GFRA2: variants seen among roughly 807,000 people sequenced by gnomAD.
GFRA2 encodes GDNF family receptor alpha-2.
A neutral mutation model predicts 48.3 loss-of-function variants in GFRA2; 17 were observed. That is an observed-to-expected ratio of 0.35 (90% CI 0.24 to 0.53). The LOEUF (loss-of-function observed/expected upper bound fraction) is 0.53. Ranked by LOEUF, GFRA2 falls within the 20% of genes least tolerant of loss-of-function variation. GFRA2 has a pLI of 0.93. For synonymous variants in GFRA2, 305 were observed against 257.2 expected (o/e 1.19, Z -1.78); for missense variants, 660 against 637.3 (o/e 1.04, Z -0.38).
At chr8:21,707,027 G>A (rs1802783374) in intron 4 of GFRA2, among the ~76,000 whole-genome samples, 1 of 152,208 alleles carries the variant, frequency 6.6e-6, no homozygotes, top group African/African-American at 2.4e-5. Flanking sequence ...TTCTACAGGT[G>A]AGTGTCCTTT....
chr8:21,753,683 T>C (rs1307455294), intron 3 of GFRA2, among the ~76,000 whole-genome samples: 1 of 152,232 alleles, frequency 6.6e-6, no homozygotes, highest in Non-Finnish European at 1.5e-5. Flanking sequence ...ATTTTTACTT[T>C]GATTACACAT....
chr8:21,709,921 G>C (rs898701535), intron 4 of GFRA2, among the ~76,000 whole-genome samples: 2 of 152,186 alleles, frequency 1.3e-5, no homozygotes, highest in Non-Finnish European at 2.9e-5. Context: ...TTTGCCCTTT[G>C]GGAAATCCCA....
At chr8:21,759,038 A>C (rs1030112433) in intron 3 of GFRA2, among the ~76,000 whole-genome samples, 2 of 152,198 alleles carry the variant, frequency 1.3e-5, no homozygotes, top group Non-Finnish European at 2.9e-5. Context: ...GAAAGAAAGA[A>C]TCTTCCCTCT....
At chr8:21,808,713 C>T (rs1807922074) in intron 1 of GFRA2, among the ~76,000 whole-genome samples, 1 of 152,254 alleles carries the variant, frequency 6.6e-6, no homozygotes, top group Non-Finnish European at 1.5e-5. Context: ...ACCCAAATCC[C>T]CTCCAGCAAA....
In GFRA2 at chr8:21,750,801, C is replaced by T. The variant is rs750997748; in HGVS notation, c.581G>A (p.Arg194His). The change falls in exon 4 of 9, where the codon CGC becomes CAC. Residue 194 changes from arginine (R) to histidine (H), a missense_variant. Arg to His is a conservative substitution (Grantham distance 29). Coordinates refer to ENST00000524240, the MANE Select transcript of GFRA2 (RefSeq NM_001495.5). This position sits in a 1 kb window ranked among gnomAD's most constrained non-coding sequence, Gnocchi z 5.7. ...ICNREISPTE[R>H]CNRRKCHKAL... ...CTTGTGGCACTTGCGGCGGTTGCAG[C>T]GCTCGGTGGGCGAGATCTCGCGGTT... The T allele has an allele frequency of 8.1e-6, 13 of 1,613,882 alleles. No homozygotes were observed. The highest frequency in any genetic ancestry group is 8.5e-6 in the Non-Finnish European group (10 of 1,179,896).
chr8:21,716,366 G>C (rs536805630), intron 4 of GFRA2, among the ~76,000 whole-genome samples: 26 of 151,406 alleles, frequency 1.7e-4, no homozygotes, highest in Middle Eastern at 3.5e-3. Context: ...CTCTAATTCT[G>C]CATGACCTCC....
chr8:21,705,892 G>T, intron 5 of GFRA2, 40 bp downstream of exon 5: 1 of 1,369,978 alleles, frequency 7.3e-7, no homozygotes, highest in Non-Finnish European at 1.0e-6. Context: ...GATGGGGGCA[G>T]CAAGGACCCA....
rs375325217 is a variant in GFRA2, at chr8:21,770,273, C to A, written c.439+4699G>T. ...GGCCCAGCCACAACCTGCCATCGAA[C>A]CTTGGAGAAATCAGTCCATACGAAT... On this transcript the variant is annotated intron_variant, in intron 3 of 8. Coordinates refer to ENST00000524240, the MANE Select transcript of GFRA2 (RefSeq NM_001495.5). Among the ~76,000 whole-genome samples the A allele has an allele frequency of 2.0e-5, 3 of 152,246 alleles. No homozygotes were observed. In the East Asian group the frequency reaches 5.8e-4, roughly 29 times the overall value.
At chr8:21,737,384 T>C (rs75960603) in intron 4 of GFRA2, among the ~76,000 whole-genome samples, 2 of 145,182 alleles carry the variant, frequency 1.4e-5, no homozygotes, top group African/African-American at 5.0e-5. Context: ...AAAAAAGGGG[T>C]GGTGTGAGGA....
At chr8:21,743,336 G>A (rs1380220057) in intron 4 of GFRA2, among the ~76,000 whole-genome samples, 1 of 152,188 alleles carries the variant, frequency 6.6e-6, no homozygotes, top group Non-Finnish European at 1.5e-5. Context: ...GCCCCTGAGC[G>A]AGATTTTACT....
intron 4 of GFRA2, among the ~76,000 whole-genome samples, chr8:21,738,962 C>T (rs1035552584): frequency 6.6e-6 from 1 of 152,170 alleles, no homozygotes; most frequent in Non-Finnish European, 1.5e-5. Context: ...ACAGGAGCTC[C>T]GTGCTGTGAA....
At chr8:21,743,903 T>A (rs1326675592) in intron 4 of GFRA2, among the ~76,000 whole-genome samples, 1 of 152,216 alleles carries the variant, frequency 6.6e-6, no homozygotes, top group Admixed American at 6.5e-5. Flanking sequence ...GGAAATCTAA[T>A]GAAGGCAACA....
intron 4 of GFRA2, among the ~76,000 whole-genome samples, chr8:21,720,586 A>T (rs946690039): frequency 6.6e-6 from 1 of 151,954 alleles, no homozygotes; most frequent in Admixed American, 6.6e-5. Context: ...CTCCCATCTC[A>T]TCTCTCCTCT....
intron 4 of GFRA2, among the ~76,000 whole-genome samples, chr8:21,747,861 C>T (rs528881444): frequency 1.3e-5 from 2 of 152,012 alleles, no homozygotes; most frequent in Non-Finnish European, 2.9e-5. Flanking sequence ...TGCACACATG[C>T]GCACACACAT....
chr8:21,750,802 G>A lies in GFRA2; in HGVS notation c.580C>T (p.Arg194Cys), dbSNP rs1277283983. ...TTGTGGCACTTGCGGCGGTTGCAGC[G>A]CTCGGTGGGCGAGATCTCGCGGTTG... ...ICNREISPTE[R>C]CNRRKCHKAL... Residue 194 changes from arginine (R) to cysteine (C), a missense_variant, in exon 4 of 9, where the codon CGC becomes TGC. By Grantham distance (180) the Arg-to-Cys change is radical. Coordinates refer to ENST00000524240, the MANE Select transcript of GFRA2 (RefSeq NM_001495.5). The surrounding 1 kb of genome is among the most constrained non-coding windows in gnomAD (Gnocchi z 5.7). 1.9e-6 allele frequency: 3 copies of A among 1,614,004 alleles called. No homozygotes were observed. The highest frequency in any genetic ancestry group is 2.5e-6 in the Non-Finnish European group (3 of 1,179,894).
At position 21,776,531 on chromosome 8, in the gene GFRA2, G is replaced by A. The variant is rs1028736510; in HGVS notation, c.356-1476C>T. On this transcript the variant is annotated intron_variant, in intron 2 of 8. Transcript: ENST00000524240. ...CACCCAGGCTGGAGTACAGTGGCACGATCTTGGCTCACTGCTGCAACCTCT... is the reference window on the plus strand; with the variant it reads ...CACCCAGGCTGGAGTACAGTGGCACAATCTTGGCTCACTGCTGCAACCTCT... 9.4e-5 allele frequency among the ~76,000 whole-genome samples: 14 copies of A among 148,160 alleles called. No homozygotes were observed. In the East Asian group the frequency reaches 2.2e-3, roughly 23 times the overall value.
chr8:21,706,322 C>G, intron 4 of GFRA2: 1 of 567,522 alleles, frequency 1.8e-6, no homozygotes, highest in South Asian at 1.5e-5. Flanking sequence ...ACAGAAACAG[C>G]CTGCTCTAAA....
chr8:21,777,603 C>A (rs7839068), intron 2 of GFRA2, among the ~76,000 whole-genome samples: 31,860 of 152,148 alleles, frequency 0.21, 3,450 homozygotes, highest in Middle Eastern at 0.25. Context: ...ACCAAAGAAC[C>A]CTGAATTTCA....
At chr8:21,787,998 G>A (rs1166185016) in intron 1 of GFRA2, 122 bp downstream of exon 1, 10 of 556,776 alleles carry the variant, frequency 1.8e-5, no homozygotes, top group Admixed American at 8.5e-5. Context: ...CACCGGGCCC[G>A]GCTAGCTCCG....
Sources: allele counts gnomAD v4.1 joint callset (sites outside exome capture counted in the v4.1 genomes callset), GRCh38; gene constraint gnomAD v4.1.1; non-coding constraint Gnocchi (gnomAD v3.1); transcripts MANE v1.5; gene names NCBI Gene and HGNC (gene_info 2026-07-23, HGNC 2026-07-21).